RAB38: variants seen among roughly 807,000 people sequenced by gnomAD.
RAB38 encodes ras-related protein Rab-38.
Under a neutral mutation model 18.4 loss-of-function variants are expected in RAB38, and 15 were observed. That is an observed-to-expected ratio of 0.82 (90% confidence interval 0.55 to 1.26). The LOEUF is 1.26. Among genes scored for constraint, RAB38 ranks in the 50% most tolerant of loss-of-function variants. The probability of loss-of-function intolerance (pLI) is 0.00; values close to 1 mark genes in which losing one functional copy is unlikely to be tolerated. For missense variants in RAB38, 294 were observed against 267.4 expected (o/e 1.10, Z -0.69); for synonymous variants, 101 against 104.4 (o/e 0.97, Z 0.20).
chr11:87,832,894 T>TG, the RAB38 span, among the ~76,000 whole-genome samples: 1 of 149,932 alleles, frequency 6.7e-6, no homozygotes, highest in Non-Finnish European at 1.5e-5. Flanking sequence ...CATCTCACAG[T>TG]GGGGGGTGGG....
At chr11:88,003,840 AT>A in the RAB38 span, among the ~76,000 whole-genome samples, 564 of 9,546 alleles carry the variant, frequency 0.059, 190 homozygotes, top group African/African-American at 0.11. Context: ...TATAATATAT[AT>A]TTATATATAT....
At chr11:88,094,670 T>G in the RAB38 span, among the ~76,000 whole-genome samples, 9 of 152,010 alleles carry the variant, frequency 5.9e-5, no homozygotes, top group African/African-American at 2.2e-4. Context: ...CCAACTCAAG[T>G]TGAATCTAAA....
chr11:88,174,572 C>A (rs925931074), intron 1 of RAB38, among the ~76,000 whole-genome samples: 4 of 145,892 alleles, frequency 2.7e-5, no homozygotes, highest in Non-Finnish European at 6.0e-5. Context: ...GAATACTTTG[C>A]CCCTGACATA....
At chr11:87,932,301 AAGAG>A in the RAB38 span, among the ~76,000 whole-genome samples, 5 of 152,082 alleles carry the variant, frequency 3.3e-5, no homozygotes, top group African/African-American at 4.8e-5. Context: ...TTTTTAAAAA[AAGAG>A]AGAGAGATTC....
chr11:88,040,661 C>T, the RAB38 span, among the ~76,000 whole-genome samples: 1 of 152,054 alleles, frequency 6.6e-6, no homozygotes, highest in Non-Finnish European at 1.5e-5. Context: ...CGTGACTGCA[C>T]CACGGTACTC....
the RAB38 span, among the ~76,000 whole-genome samples, chr11:88,015,044 T>C: frequency 9.9e-6 from 1 of 100,912 alleles, no homozygotes; most frequent in African/African-American, 4.3e-5. Context: ...ACACACCCAG[T>C]TGCCTGTATT....
At chr11:88,033,725 CT>C in the RAB38 span, among the ~76,000 whole-genome samples, 114 of 101,116 alleles carry the variant, frequency 1.1e-3, no homozygotes, top group East Asian at 5.8e-3. Flanking sequence ...GTTGTGTTGC[CT>C]TTTTTTTTTT....
chr11:87,841,254 T>A, the RAB38 span, among the ~76,000 whole-genome samples: 2 of 152,140 alleles, frequency 1.3e-5, no homozygotes, highest in Non-Finnish European at 2.9e-5. Flanking sequence ...AGTAATTTAA[T>A]CATGAGGCGG....
the RAB38 span, among the ~76,000 whole-genome samples, chr11:88,087,308 T>C: frequency 6.6e-6 from 1 of 151,930 alleles, no homozygotes; most frequent in Non-Finnish European, 1.5e-5. Context: ...TCATAGAGAA[T>C]GTATTAGTCC....
chr11:87,958,007 T>A, the RAB38 span, among the ~76,000 whole-genome samples: 13 of 152,272 alleles, frequency 8.5e-5, no homozygotes, highest in African/African-American at 3.1e-4. Context: ...TGATTCGACT[T>A]ACGATTTTTG....
At chr11:87,807,248 T>C in the RAB38 span, among the ~76,000 whole-genome samples, 1 of 152,186 alleles carries the variant, frequency 6.6e-6, no homozygotes, top group South Asian at 2.1e-4. Flanking sequence ...TGCTGATGCA[T>C]AGAAAATATT....
chr11:88,137,049 C>G (rs542199981), intron 2 of RAB38, among the ~76,000 whole-genome samples: 1 of 152,330 alleles, frequency 6.6e-6, no homozygotes, highest in African/African-American at 2.4e-5. Context: ...GCTACTCCTT[C>G]CCTCTACTAA....
At chr11:87,864,184 C>G in the RAB38 span, among the ~76,000 whole-genome samples, 2 of 151,630 alleles carry the variant, frequency 1.3e-5, no homozygotes, top group East Asian at 1.9e-4. Flanking sequence ...AAATGACACC[C>G]TACGAGAAAA....
chr11:88,052,948 TATATATATG>T, the RAB38 span, among the ~76,000 whole-genome samples: 4 of 61,224 alleles, frequency 6.5e-5, no homozygotes, highest in African/African-American at 1.3e-4. Flanking sequence ...ATATATAAAT[TATATATATG>T]ATATATATGA....
At chr11:87,829,617 C>G in the RAB38 span, among the ~76,000 whole-genome samples, 1 of 152,146 alleles carries the variant, frequency 6.6e-6, no homozygotes, top group African/African-American at 2.4e-5. Context: ...ATCCAATCAC[C>G]TCAACACCTA....
chr11:87,910,445 ATTCAT>A, the RAB38 span, among the ~76,000 whole-genome samples: 1 of 151,860 alleles, frequency 6.6e-6, no homozygotes, highest in African/African-American at 2.4e-5. Context: ...TTTGAAGATC[ATTCAT>A]TTCTTCTTTT....
chr11:88,029,650 T>A, the RAB38 span, among the ~76,000 whole-genome samples: 1 of 151,980 alleles, frequency 6.6e-6, no homozygotes, highest in Non-Finnish European at 1.5e-5. Flanking sequence ...TACATAATGG[T>A]AAAGGCATCA....
chr11:88,117,485 T>C (rs183714345), intron 2 of RAB38, among the ~76,000 whole-genome samples: 1 of 152,330 alleles, frequency 6.6e-6, no homozygotes, highest in East Asian at 1.9e-4. Flanking sequence ...CTTTAACAGC[T>C]GACCTATCAG....
the RAB38 span, among the ~76,000 whole-genome samples, chr11:87,872,834 C>T: frequency 2.0e-5 from 3 of 151,498 alleles, no homozygotes; most frequent in African/African-American, 7.3e-5. Context: ...TGAATGTGTC[C>T]CAGATTATTT....
Sources: allele counts gnomAD v4.1 joint callset (sites outside exome capture counted in the v4.1 genomes callset), GRCh38; gene constraint gnomAD v4.1.1; transcripts MANE v1.5; gene names NCBI Gene and HGNC (gene_info 2026-07-23, HGNC 2026-07-21).